Variants in MSI2 observed in about 807,000 individuals in gnomAD.
MSI2 encodes RNA-binding protein Musashi homolog 2.
A neutral mutation model predicts 45.6 loss-of-function variants in MSI2; 17 were observed. That is an observed-to-expected ratio of 0.37 (90% CI 0.26 to 0.56). MSI2 has a LOEUF of 0.56. Ranked by LOEUF, MSI2 falls within the 20% of genes least tolerant of loss-of-function variation. The probability of loss-of-function intolerance (pLI) is 0.77; values close to 1 mark genes in which losing one functional copy is unlikely to be tolerated. For missense variants in MSI2, 293 were observed against 444.2 expected (o/e 0.66, Z 3.06); for synonymous variants, 156 against 158.2 (o/e 0.99, Z 0.11).
chr17:57,637,716 C>G, intron 10 of MSI2, among the ~76,000 whole-genome samples: 1 of 152,166 alleles, frequency 6.6e-6, no homozygotes, highest in East Asian at 1.9e-4. Context: ...GAGGGTTAGT[C>G]GGACCGGGAA....
rs1913678205 is a variant in MSI2, at chr17:57,682,540, T to G, written c.*3023T>G. On this transcript the variant is annotated 3_prime_UTR_variant, in exon 14 of 14. Transcript: ENST00000284073. ...TTATATACCTTTTGAAGAGACCCAGTAGCCCATAGCACAAATCTTGTGGAA... is the reference window on the plus strand; with the variant it reads ...TTATATACCTTTTGAAGAGACCCAGGAGCCCATAGCACAAATCTTGTGGAA... 1 of 209,532 alleles carries G rather than the reference T, an allele frequency of 4.8e-6. No individual in the cohort carries two copies. The highest frequency in any genetic ancestry group is 2.3e-5 in the African/African-American group (1 of 44,026). The allele number at this position is 209,532 out of a possible 1,614,324, so 13.0% of individuals were successfully genotyped here. A position where few individuals can be genotyped will look rare whatever the true frequency, so the allele number is the denominator to read the frequency against.
chr17:57,447,292 T>C (rs1449698395), intron 6 of MSI2, among the ~76,000 whole-genome samples: 1 of 152,196 alleles, frequency 6.6e-6, no homozygotes, highest in Non-Finnish European at 1.5e-5. Context: ...TTTGTAGGTA[T>C]GATACCTCCC....
At chr17:57,546,877 G>A (rs776219380) in intron 7 of MSI2, among the ~76,000 whole-genome samples, 4 of 152,232 alleles carry the variant, frequency 2.6e-5, no homozygotes, top group Non-Finnish European at 5.9e-5. Context: ...AGTTCTGGCA[G>A]TACTGCAGGG....
At chr17:57,430,244 A>G (rs921633681) in intron 6 of MSI2, among the ~76,000 whole-genome samples, 3 of 152,166 alleles carry the variant, frequency 2.0e-5, no homozygotes, top group African/African-American at 7.2e-5. Flanking sequence ...GGTAAACACC[A>G]TTGTTTTGCT....
At chr17:57,454,117 C>T (rs1345175718) in intron 6 of MSI2, among the ~76,000 whole-genome samples, 2 of 152,244 alleles carry the variant, frequency 1.3e-5, no homozygotes, top group Admixed American at 6.5e-5. Context: ...GTGGAGAGGA[C>T]TGGCTCGCTC....
Position 57,583,488 on chromosome 17 carries a change from C to CTTTTTTTTTTTTTTTTTTTTTTTT in MSI2, c.455-13361_455-13360insTTTTTTTTTTTTTTTTTTTTTTTT, listed in dbSNP as rs5821192. ...TACTTTTTTCCTTCTCCCAATGTTT[C>CTTTTTTTTTTTTTTTTTTTTTTTT]TTTTTTTTTTTTTTTTTTTGAGACA... On this transcript the variant is annotated intron_variant, in intron 7 of 13. Coordinates refer to ENST00000284073, the MANE Select transcript of MSI2 (RefSeq NM_138962.4). Among the ~76,000 whole-genome samples the CTTTTTTTTTTTTTTTTTTTTTTTT allele has an allele frequency of 1.1e-4, 11 of 98,022 alleles. 1 individual carries two copies. The highest frequency in any genetic ancestry group is 1.1e-3 in the East Asian group (3 of 2,838). 64.3% of individuals were successfully genotyped at this position (98,022 alleles called of 152,430 possible). A position where few individuals can be genotyped will look rare whatever the true frequency, so the allele number is the denominator to read the frequency against.
intron 7 of MSI2, among the ~76,000 whole-genome samples, chr17:57,592,769 C>T (rs910367305): frequency 1.3e-5 from 2 of 152,198 alleles, no homozygotes; most frequent in Admixed American, 1.3e-4. Context: ...TGCCCCGACC[C>T]TTCCTGGTGC....
chr17:57,649,780 C>T (rs1442091684), intron 10 of MSI2, among the ~76,000 whole-genome samples: 1 of 152,202 alleles, frequency 6.6e-6, no homozygotes, highest in Non-Finnish European at 1.5e-5. Context: ...CAGAAGGGGG[C>T]CAGGAGGACG....
At chr17:57,685,954 G>A (rs1290518240), downstream of MSI2, among the ~76,000 whole-genome samples, 1 of 152,152 alleles carries the variant, frequency 6.6e-6, no homozygotes, top group Non-Finnish European at 1.5e-5. Context: ...TAAGGAGAGA[G>A]GGAGCAGGGA....
chr17:57,387,656 G>A (rs2083708765), intron 5 of MSI2, among the ~76,000 whole-genome samples: 4 of 152,244 alleles, frequency 2.6e-5, no homozygotes, highest in African/African-American at 9.6e-5. Context: ...GGTGGTGTCT[G>A]AGAAATCAAG....
chr17:57,522,237 A>G (rs2086602923), intron 6 of MSI2: 1 of 152,234 alleles, frequency 6.6e-6, no homozygotes, highest in South Asian at 2.1e-4. Context: ...ACACTATAGT[A>G]TCATGGTATT....
chr17:57,378,623 C>T (rs900602815), intron 5 of MSI2, among the ~76,000 whole-genome samples: 7 of 152,176 alleles, frequency 4.6e-5, no homozygotes, highest in African/African-American at 1.4e-4. Context: ...TCTCAAACTC[C>T]TGGCCTCAAG....
chr17:57,592,051 A>G (rs1378003413), intron 7 of MSI2, among the ~76,000 whole-genome samples: 4 of 151,950 alleles, frequency 2.6e-5, no homozygotes, highest in African/African-American at 9.7e-5. Context: ...GTGTACCTGT[A>G]GTCCCAGCTA....
intron 6 of MSI2, among the ~76,000 whole-genome samples, chr17:57,526,356 G>GGTGTGTGT (rs71143203): frequency 0.045 from 5,486 of 121,842 alleles, 188 homozygotes; most frequent in Admixed American, 0.055. Context: ...GATATACCTG[G>GGTGTGTGT]GTGTGTGTGT....
intron 6 of MSI2, among the ~76,000 whole-genome samples, chr17:57,514,211 A>AT (rs60102144): frequency 0.38 from 57,998 of 151,536 alleles, 13,678 homozygotes; most frequent in Non-Finnish European, 0.52. Context: ...CAGCTAAGGG[A>AT]TTTTTTTTTC....
chr17:57,467,291 C>T (rs1206052289), intron 6 of MSI2, among the ~76,000 whole-genome samples: 1 of 152,014 alleles, frequency 6.6e-6, no homozygotes, highest in East Asian at 1.9e-4. Flanking sequence ...GATGATTGTA[C>T]CTGGGATATG....
At chr17:57,427,668 T>A (rs1282014622) in intron 6 of MSI2, among the ~76,000 whole-genome samples, 3 of 152,194 alleles carry the variant, frequency 2.0e-5, no homozygotes, top group Non-Finnish European at 4.4e-5. Flanking sequence ...TATTAATACA[T>A]TGAATTACAA....
At position 57,614,588 on chromosome 17, in the gene MSI2, C is replaced by T. The variant is rs542626468; in HGVS notation, c.538-1382C>T. Reference sequence around the variant, plus strand: ...AGATACCTGTTTCTTGTCTTTTCTCCGTCACTATCAGGCGGCCATGCTGTT... The same window carrying T: ...AGATACCTGTTTCTTGTCTTTTCTCTGTCACTATCAGGCGGCCATGCTGTT... On this transcript the variant is annotated intron_variant, in intron 8 of 13. Coordinates refer to ENST00000284073, the MANE Select transcript of MSI2 (RefSeq NM_138962.4). Among the ~76,000 whole-genome samples the T allele has an allele frequency of 1.9e-3, 290 of 152,220 alleles. 1 individual carries two copies. The highest frequency in any genetic ancestry group is 3.3e-3 in the Non-Finnish European group (226 of 68,008).
intron 5 of MSI2, among the ~76,000 whole-genome samples, chr17:57,388,940 T>C (rs1039715398): frequency 6.7e-6 from 1 of 149,776 alleles, no homozygotes; most frequent in Non-Finnish European, 1.5e-5. Context: ...AGGCGTGAGC[T>C]ACAGCACCTA....
Sources: gnomAD v4.1 joint callset for allele counts (sites outside exome capture counted in the v4.1 genomes callset) on GRCh38, gnomAD v4.1.1 for gene constraint, MANE v1.5 for transcripts, NCBI Gene and HGNC (gene_info 2026-07-23, HGNC 2026-07-21) for gene names.